Variants in TMEM132B observed in about 807,000 individuals in gnomAD.
The protein encoded by TMEM132B is transmembrane protein 132B.
In TMEM132B, 18 loss-of-function variants were observed where a neutral mutation model predicts 90.8. That is an observed-to-expected ratio of 0.20 (90% CI 0.14 to 0.29). TMEM132B has a LOEUF of 0.29. TMEM132B is among the 10% of genes least tolerant of loss of function. The pLI is 1.00. For synonymous variants in TMEM132B, 504 were observed against 523.3 expected, an observed-to-expected ratio of 0.96 and a Z score of 0.50; for missense variants, 1,096 against 1,326.8, an observed-to-expected ratio of 0.83 and a Z score of 2.70.
intron 2 of TMEM132B, among the ~76,000 whole-genome samples, chr12:125,370,544 C>T (rs1878260994): frequency 6.6e-6 from 1 of 152,174 alleles, no homozygotes. Context: ...GGCATCTGGG[C>T]AGTCCCTTCT....
At chr12:125,551,785 G>T (rs1003632273) in intron 4 of TMEM132B, among the ~76,000 whole-genome samples, 1 of 152,116 alleles carries the variant, frequency 6.6e-6, no homozygotes, top group Admixed American at 6.6e-5. Context: ...GGGTTCATCT[G>T]GGGTGGCTCA....
chr12:125,342,948 C>T (rs1455147118), intron 1 of TMEM132B, among the ~76,000 whole-genome samples: 1 of 152,100 alleles, frequency 6.6e-6, no homozygotes, highest in Non-Finnish European at 1.5e-5. Flanking sequence ...ATACTGGTGG[C>T]CTTGGAATTC....
At chr12:125,581,935 G>A (rs1177535543) in intron 4 of TMEM132B, among the ~76,000 whole-genome samples, 1 of 152,092 alleles carries the variant, frequency 6.6e-6, no homozygotes, top group African/African-American at 2.4e-5. Flanking sequence ...GGGCAGAGGG[G>A]AGTGCTCAGG....
chr12:125,218,372 A>AT (rs1234374984), intron 1 of TMEM132B, among the ~76,000 whole-genome samples: 1 of 152,044 alleles, frequency 6.6e-6, no homozygotes, highest in Non-Finnish European at 1.5e-5. Flanking sequence ...CTATTTTAGT[A>AT]TTTTCCATAG....
chr12:125,296,843 A>G (rs1457160832), intron 1 of TMEM132B, among the ~76,000 whole-genome samples: 2 of 152,190 alleles, frequency 1.3e-5, no homozygotes, highest in African/African-American at 2.4e-5. Context: ...GTGCTACGTT[A>G]GGGATTACAG....
At chr12:125,226,791 A>G (rs1030566939) in intron 1 of TMEM132B, among the ~76,000 whole-genome samples, 4 of 152,172 alleles carry the variant, frequency 2.6e-5, no homozygotes, top group African/African-American at 9.6e-5. Context: ...AGCCAGTGCT[A>G]TGCCGGCACT....
chr12:125,431,440 T>C (rs1263973891), intron 3 of TMEM132B, among the ~76,000 whole-genome samples: 2 of 152,154 alleles, frequency 1.3e-5, no homozygotes, highest in African/African-American at 4.8e-5. Context: ...GAAGGATTTA[T>C]GGAAGGCTTT....
chr12:125,333,248 C>G (rs549035437), intron 1 of TMEM132B, among the ~76,000 whole-genome samples: 1 of 152,166 alleles, frequency 6.6e-6, no homozygotes, highest in South Asian at 2.1e-4. Context: ...CTTATAAGGA[C>G]GTCTGTCATT....
chr12:125,454,743 T>C (rs541715929), intron 3 of TMEM132B, among the ~76,000 whole-genome samples: 1 of 152,364 alleles, frequency 6.6e-6, no homozygotes, highest in Non-Finnish European at 1.5e-5. Context: ...CTGAGGACTT[T>C]CCTAGTTCAT....
chr12:125,407,283 C>A lies in TMEM132B; in HGVS notation c.960-8248C>A, dbSNP rs945860307. Among the ~76,000 whole-genome samples the A allele has an allele frequency of 1.3e-5, 2 of 152,264 alleles. No individual in the cohort carries two copies. The highest frequency in any genetic ancestry group is 6.5e-5 in the Admixed American group (1 of 15,292). ...GGAGGTGAAGGCAAAGGCCAGACCTCTCTTCGGGCAAAGTTAATCCTTTAC... is the reference window on the plus strand; with the variant it reads ...GGAGGTGAAGGCAAAGGCCAGACCTATCTTCGGGCAAAGTTAATCCTTTAC... On this transcript the variant is annotated intron_variant, in intron 2 of 8. Transcript: ENST00000682704. The surrounding 1 kb of genome is among the most constrained non-coding windows in gnomAD (Gnocchi z 6.7).
chr12:125,217,549 C>G (rs1295381751), intron 1 of TMEM132B, among the ~76,000 whole-genome samples: 1 of 152,128 alleles, frequency 6.6e-6, no homozygotes, highest in Non-Finnish European at 1.5e-5. Context: ...CAGGCTTAGG[C>G]GATCCTCCCG....
intron 1 of TMEM132B, among the ~76,000 whole-genome samples, chr12:125,296,039 A>G (rs755055209): frequency 2.0e-5 from 3 of 152,128 alleles, no homozygotes; most frequent in African/African-American, 7.2e-5. Flanking sequence ...GTTGCCCTTG[A>G]GTTTGTACTA....
At chr12:125,333,840 A>C (rs1438215228) in intron 1 of TMEM132B, among the ~76,000 whole-genome samples, 1 of 152,220 alleles carries the variant, frequency 6.6e-6, no homozygotes, top group African/African-American at 2.4e-5. Flanking sequence ...TGACCCAGAT[A>C]CTGTCCCTGG....
chr12:125,652,749 GCTT>G, intron 8 of TMEM132B, 117 bp downstream of exon 8: 1 of 1,203,548 alleles, frequency 8.3e-7, no homozygotes. Flanking sequence ...GATTCTTGAA[GCTT>G]CTTGCTTCTT....
intron 4 of TMEM132B, among the ~76,000 whole-genome samples, chr12:125,522,440 G>T (rs978576931): frequency 6.6e-6 from 1 of 152,222 alleles, no homozygotes; most frequent in African/African-American, 2.4e-5. Flanking sequence ...GGGAGCAGCT[G>T]CTAGCCTGAG....
intron 5 of TMEM132B, among the ~76,000 whole-genome samples, chr12:125,629,759 A>G (rs954664503): frequency 2.0e-5 from 3 of 152,084 alleles, no homozygotes; most frequent in Non-Finnish European, 4.4e-5. Flanking sequence ...TAATCAGTAT[A>G]ATACTAACTG....
intron 2 of TMEM132B, among the ~76,000 whole-genome samples, chr12:125,396,517 G>A (rs1879173770): frequency 6.6e-6 from 1 of 152,114 alleles, no homozygotes; most frequent in African/African-American, 2.4e-5. Flanking sequence ...TTATTTGTTT[G>A]TTTGTTTGTT....
rs1238553294 is a variant in TMEM132B at position 125,460,320 on chromosome 12, A to G, written c.1106+44643A>G. Among the ~76,000 whole-genome samples the G allele has an allele frequency of 1.3e-5, 2 of 151,972 alleles. No homozygotes were observed. Among genetic ancestry groups the G allele is most frequent in the Non-Finnish European group, 2.9e-5 (2 of 67,980 alleles). ...AGCCTGCCCAACATGGTGAAACCCC[A>G]TCTCTACTGAAAAATACAAGAATTA... On this transcript the variant is annotated intron_variant, in intron 3 of 8. Transcript: ENST00000682704. This position sits in a 1 kb window ranked among gnomAD's most constrained non-coding sequence, Gnocchi z 4.4.
intron 1 of TMEM132B, among the ~76,000 whole-genome samples, chr12:125,266,438 C>T (rs926707391): frequency 6.6e-6 from 1 of 152,192 alleles, no homozygotes; most frequent in East Asian, 1.9e-4. Flanking sequence ...CCTTTAAAAT[C>T]AATTTATTAT....
Sources: gnomAD v4.1 joint callset for allele counts (sites outside exome capture counted in the v4.1 genomes callset) on GRCh38, gnomAD v4.1.1 for gene constraint, Gnocchi (gnomAD v3.1) non-coding constraint, MANE v1.5 for transcripts, NCBI Gene and HGNC (gene_info 2026-07-23, HGNC 2026-07-21) for gene names.